The following ANKH variants were observed in gnomAD, a reference collection of about 807,000 sequenced individuals.
ANKH encodes ANKH inorganic pyrophosphate transport regulator.
In ANKH, 15 loss-of-function variants were observed where a neutral mutation model predicts 49.0. The ratio of observed to expected loss-of-function variants is 0.31; its 90% CI spans 0.20 to 0.47. The LOEUF is 0.47. ANKH is among the 20% of genes least tolerant of loss of function. The pLI is 1.00. For missense variants in ANKH, 429 were observed against 652.0 expected (o/e 0.66, Z 3.72); for synonymous variants, 273 against 260.0 (o/e 1.05, Z -0.48).
At position 14,756,276 on chromosome 5, in the gene ANKH, G is replaced by A. The variant is rs185967586; in HGVS notation, c.433-332C>T. On this transcript the variant is annotated intron_variant, in intron 3 of 11. Coordinates refer to ENST00000284268, the MANE Select transcript of ANKH (RefSeq NM_054027.6). ...GAAACACAATCTCTGTCTCTCAAGC[G>A]TCTCAGTCCCAAAGTAGCATCCTTC... Among the ~76,000 whole-genome samples the A allele has an allele frequency of 3.4e-4, 52 of 152,314 alleles. 1 individual carries two copies. Among genetic ancestry groups the A allele is most frequent in the Admixed American group, 1.2e-3 (18 of 15,304 alleles).
chr5:14,793,316 G>A lies in ANKH; in HGVS notation c.97-24125C>T, dbSNP rs73750271. On this transcript the variant is annotated intron_variant, in intron 1 of 11. Transcript: ENST00000284268. Reference sequence around the variant, plus strand: ...CACTCTGGGCTGCTGAAGACCCAGCGAGGACTCACCTCTGCCACTCAGTCA... The same window carrying A: ...CACTCTGGGCTGCTGAAGACCCAGCAAGGACTCACCTCTGCCACTCAGTCA... Among the ~76,000 whole-genome samples the A allele has an allele frequency of 6.2e-3, 945 of 151,462 alleles. 13 individuals are homozygous for A. The highest frequency in any genetic ancestry group is 0.021 in the African/African-American group (870 of 41,268).
intron 1 of ANKH, among the ~76,000 whole-genome samples, chr5:14,844,057 C>T (rs1031206072): frequency 2.0e-5 from 3 of 152,168 alleles, no homozygotes; most frequent in Non-Finnish European, 2.9e-5. Context: ...TCCCATTCAC[C>T]GTAGAGCAAA....
chr5:14,747,179 T>A (rs1032770900), intron 6 of ANKH, among the ~76,000 whole-genome samples: 1 of 152,258 alleles, frequency 6.6e-6, no homozygotes, highest in South Asian at 2.1e-4. Context: ...CCAGTCTGTA[T>A]GGGATTTCTG....
intron 1 of ANKH, among the ~76,000 whole-genome samples, chr5:14,851,573 T>C (rs879552313): frequency 3.9e-5 from 6 of 152,230 alleles, no homozygotes; most frequent in Admixed American, 6.5e-5. Context: ...GTTCATTTTG[T>C]TGCATCCTGA....
chr5:14,798,532 C>A, intron 1 of ANKH: 2 of 687,110 alleles, frequency 2.9e-6, no homozygotes, highest in South Asian at 4.2e-5. Flanking sequence ...TGTGGCAACC[C>A]TGTGTCAAGC....
At chr5:14,796,184 T>C (rs1251520277) in intron 1 of ANKH, among the ~76,000 whole-genome samples, 3 of 151,394 alleles carry the variant, frequency 2.0e-5, no homozygotes, top group Non-Finnish European at 4.4e-5. Context: ...TTTTTTAATG[T>C]AGAAAAGCAA....
At chr5:14,852,185 G>C (rs1334581387) in intron 1 of ANKH, among the ~76,000 whole-genome samples, 3 of 152,220 alleles carry the variant, frequency 2.0e-5, no homozygotes, top group African/African-American at 7.2e-5. Context: ...GGGAGGCCAA[G>C]GCAGGAGGAT....
At chr5:14,718,597 T>G (rs1415704284) in intron 8 of ANKH, among the ~76,000 whole-genome samples, 1 of 151,950 alleles carries the variant, frequency 6.6e-6, no homozygotes, top group African/African-American at 2.4e-5. Context: ...GATGACCTGA[T>G]GTCAGGAGTT....
intron 2 of ANKH, 61 bp downstream of exon 2, chr5:14,768,914 C>A: frequency 6.6e-7 from 1 of 1,514,868 alleles, no homozygotes; most frequent in Non-Finnish European, 9.2e-7. Context: ...ACATTTAAAT[C>A]AATGAAAAGG....
At chr5:14,800,677 C>T (rs933406594) in intron 1 of ANKH, among the ~76,000 whole-genome samples, 10 of 151,598 alleles carry the variant, frequency 6.6e-5, no homozygotes, top group African/African-American at 2.4e-4. Context: ...AGTCCTAATA[C>T]ATTGCACACT....
intron 8 of ANKH, among the ~76,000 whole-genome samples, chr5:14,718,966 G>A (rs1357276036): frequency 6.6e-6 from 1 of 151,126 alleles, no homozygotes; most frequent in Non-Finnish European, 1.5e-5. Context: ...TGAAGCACAG[G>A]AGAAGAGAGT....
At chr5:14,772,226 G>A (rs1388338952) in intron 1 of ANKH, among the ~76,000 whole-genome samples, 1 of 152,150 alleles carries the variant, frequency 6.6e-6, no homozygotes, top group East Asian at 1.9e-4. Context: ...CTGTGCCTTT[G>A]TTTCATTCCT....
At chr5:14,809,353 A>AG (rs1740808269) in intron 1 of ANKH, among the ~76,000 whole-genome samples, 1 of 146,728 alleles carries the variant, frequency 6.8e-6, no homozygotes, top group South Asian at 2.2e-4. Flanking sequence ...AAAAAAAAAA[A>AG]AAAAGAAAAA....
intron 1 of ANKH, among the ~76,000 whole-genome samples, chr5:14,772,940 G>A (rs1739494096): frequency 6.6e-6 from 1 of 152,202 alleles, no homozygotes; most frequent in South Asian, 2.1e-4. Flanking sequence ...TATACACTGG[G>A]GTGTGTAAGA....
intron 1 of ANKH, among the ~76,000 whole-genome samples, chr5:14,844,808 T>TG (rs1741910227): frequency 6.6e-6 from 1 of 152,062 alleles, no homozygotes; most frequent in African/African-American, 2.4e-5. Context: ...CTGCCTTTCC[T>TG]GTTTCTCCCC....
At chr5:14,727,186 G>GA (rs1737849023) in intron 8 of ANKH, among the ~76,000 whole-genome samples, 1 of 152,158 alleles carries the variant, frequency 6.6e-6, no homozygotes, top group Non-Finnish European at 1.5e-5. Flanking sequence ...AAGGAGCTTG[G>GA]AAAAGCATAT....
At chr5:14,855,495 A>C (rs765298051) in intron 1 of ANKH, among the ~76,000 whole-genome samples, 3 of 152,228 alleles carry the variant, frequency 2.0e-5, no homozygotes, top group Non-Finnish European at 2.9e-5. Flanking sequence ...ACTCCAAAAC[A>C]GTATACTAAG....
chr5:14,816,013 T>C (rs780120439), intron 1 of ANKH, among the ~76,000 whole-genome samples: 11 of 152,222 alleles, frequency 7.2e-5, no homozygotes, highest in Non-Finnish European at 1.6e-4. Flanking sequence ...GATCCTGGTT[T>C]CCAGCTAAAG....
At chr5:14,823,979 C>T (rs1172556505) in intron 1 of ANKH, among the ~76,000 whole-genome samples, 3 of 152,072 alleles carry the variant, frequency 2.0e-5, no homozygotes, top group Non-Finnish European at 4.4e-5. Flanking sequence ...GGTTCTGCTG[C>T]CCAGATAAAC....
Sources: gnomAD v4.1 joint callset for allele counts (sites outside exome capture counted in the v4.1 genomes callset) on GRCh38, gnomAD v4.1.1 for gene constraint, MANE v1.5 for transcripts, NCBI Gene and HGNC (gene_info 2026-07-23, HGNC 2026-07-21) for gene names.